Variants in LRP1B observed in about 807,000 individuals in gnomAD.
LRP1B encodes LDL receptor related protein 1B.
A neutral mutation model predicts 556.6 loss-of-function variants in LRP1B; 217 were observed. The observed-to-expected ratio is 0.39, with a 90% CI of 0.35 to 0.44. The LOEUF (loss-of-function observed/expected upper bound fraction) is 0.44. Ranked by LOEUF, LRP1B falls within the 20% of genes least tolerant of loss-of-function variation. The probability of loss-of-function intolerance (pLI) is 1.00; values close to 1 mark genes in which losing one functional copy is unlikely to be tolerated. For missense variants in LRP1B, 5,053 were observed against 5,620.8 expected, an observed-to-expected ratio of 0.90 and a Z score of 3.23; for synonymous variants, 2,047 against 1,865.8, an observed-to-expected ratio of 1.10 and a Z score of -2.50.
rs1680465741 is a variant in LRP1B, at chr2:140,231,462, A to C, written c.*1724T>G. The stretch of plus-strand genomic sequence containing the variant: ...TTTCATTTAAATAAGTCAGTCAACA[A>C]TTTTTTATAAAGTATTTAACACTTC... On this transcript the variant is annotated 3_prime_UTR_variant, in exon 91 of 91. Coordinates refer to ENST00000389484, the MANE Select transcript of LRP1B (RefSeq NM_018557.3). The C allele has an allele frequency of 6.6e-6, 1 of 151,790 alleles. No individual in the cohort carries two copies. The highest frequency in any genetic ancestry group is 2.4e-5 in the African/African-American group (1 of 41,340). The allele number at this position is 151,790 out of a possible 1,614,324, so 9.4% of individuals were successfully genotyped here. A position where few individuals can be genotyped will look rare whatever the true frequency, so the allele number is the denominator to read the frequency against.
Position 141,428,572 on chromosome 2 carries a change from C to T in LRP1B, c.343+51824G>A, listed in dbSNP as rs368331024. Among the ~76,000 whole-genome samples, 165 of 152,294 alleles carry T rather than the reference C, an allele frequency of 1.1e-3. 6 individuals carry two copies. The South Asian group carries it at 0.033, about 31-fold the overall frequency. ...AATAATGTCATCTGCTTCCATCTGT[C>T]CTAACACCTCTTCAATTGTCTAATA... On this transcript the variant is annotated intron_variant, in intron 3 of 90. Transcript: ENST00000389484.
intron 3 of LRP1B, among the ~76,000 whole-genome samples, chr2:141,432,806 G>T (rs539919444): frequency 1.3e-5 from 2 of 150,996 alleles, no homozygotes; most frequent in African/African-American, 4.8e-5. Context: ...TTTTTTCTTG[G>T]TCAAGTTAAA....
At chr2:141,390,192 A>G (rs1195294225) in intron 3 of LRP1B, among the ~76,000 whole-genome samples, 2 of 152,176 alleles carry the variant, frequency 1.3e-5, no homozygotes, top group Non-Finnish European at 2.9e-5. Flanking sequence ...ACAGGAAAAG[A>G]TGCTCAACAT....
chr2:140,915,857 T>A (rs1276051929), intron 21 of LRP1B, among the ~76,000 whole-genome samples: 1 of 151,526 alleles, frequency 6.6e-6, no homozygotes, highest in Non-Finnish European at 1.5e-5. Context: ...TGAAACCCCG[T>A]CTCTACTGAA....
In LRP1B at chr2:141,007,937, T is replaced by A. The variant is rs1028502280; in HGVS notation, c.2381-2480A>T. 2.0e-5 allele frequency among the ~76,000 whole-genome samples: 3 copies of A among 151,762 alleles called. 1 individual carries two copies. Among genetic ancestry groups the A allele is most frequent in the Non-Finnish European group, 1.5e-5 (1 of 67,712 alleles). On this transcript the variant is annotated intron_variant, in intron 14 of 90. Transcript: ENST00000389484. Reference sequence around the variant, plus strand: ...GAATTGGTTATTTGTTCTGTCATAATAGAAATCCAAAATCTAAATTAATTT... The same window carrying A: ...GAATTGGTTATTTGTTCTGTCATAAAAGAAATCCAAAATCTAAATTAATTT...
chr2:141,717,088 T>A (rs943480022), intron 2 of LRP1B, among the ~76,000 whole-genome samples: 1 of 152,118 alleles, frequency 6.6e-6, no homozygotes. Context: ...TGATTCCACT[T>A]TTATTTTTCT....
At chr2:142,023,543 C>T (rs1017860564) in intron 1 of LRP1B, among the ~76,000 whole-genome samples, 14 of 152,292 alleles carry the variant, frequency 9.2e-5, no homozygotes, top group Non-Finnish European at 1.3e-4. Flanking sequence ...GAGGTCAATA[C>T]TCACACAAGG....
rs1689439647 is a variant in LRP1B at position 140,506,874 on chromosome 2, T to C, written c.8443A>G (p.Lys2815Glu). The change falls in exon 53 of 91, where the codon AAA becomes GAA. Residue 2815 changes from lysine (K) to glutamate (E), a missense_variant. Around this residue, in one of 5 missense-constraint regions of LRP1B, gnomAD observed 3,619 missense variants for 3,931.9 expected, o/e 0.92. Coordinates refer to ENST00000389484, the MANE Select transcript of LRP1B (RefSeq NM_018557.3). ...ACAAATTGCTTGGGAATGCATACTT[T>C]ATTATGGCACATGAAAGCATTTTCA... is the stretch of plus-strand genomic sequence containing the variant. Reference protein sequence around the residue: ...CDENAFMCHNKVCIPKQFVCD... With the variant: ...CDENAFMCHNEVCIPKQFVCD... 1 of 1,614,050 alleles carries C rather than the reference T, an allele frequency of 6.2e-7. No homozygotes were observed. The highest frequency in any genetic ancestry group is 1.1e-5 in the South Asian group (1 of 91,080).
intron 3 of LRP1B, among the ~76,000 whole-genome samples, chr2:141,430,844 A>G (rs4480935): frequency 0.46 from 69,679 of 151,904 alleles, 16,142 homozygotes; most frequent in East Asian, 0.6. Flanking sequence ...AAAATAGAGA[A>G]ATTGGCTGGG....
intron 62 of LRP1B, among the ~76,000 whole-genome samples, chr2:140,454,129 A>G (rs1686992194): frequency 6.6e-6 from 1 of 151,992 alleles, no homozygotes; most frequent in Admixed American, 6.6e-5. Flanking sequence ...TTCTTCATGA[A>G]CTTTTTTTCT....
At chr2:141,868,420 T>G (rs919638842) in intron 1 of LRP1B, among the ~76,000 whole-genome samples, 7 of 152,306 alleles carry the variant, frequency 4.6e-5, no homozygotes, top group African/African-American at 1.7e-4. Context: ...TCTCCAGAAT[T>G]AGTATTCATA....
chr2:140,613,113 T>G (rs542415061), intron 41 of LRP1B, among the ~76,000 whole-genome samples: 115 of 151,218 alleles, frequency 7.6e-4, no homozygotes, highest in African/African-American at 2.7e-3. Flanking sequence ...TGTCAGGTAT[T>G]GGCTAGAAAA....
At chr2:140,741,526 G>A (rs928831366) in intron 35 of LRP1B, among the ~76,000 whole-genome samples, 1 of 151,856 alleles carries the variant, frequency 6.6e-6, no homozygotes, top group African/African-American at 2.4e-5. Flanking sequence ...GTGCAGGTTT[G>A]TTACATGGGT....
intron 84 of LRP1B, among the ~76,000 whole-genome samples, chr2:140,275,836 T>G (rs530710643): frequency 1.3e-5 from 2 of 152,074 alleles, no homozygotes; most frequent in South Asian, 4.1e-4. Context: ...AAGGAACACT[T>G]CACCCAAATA....
intron 27 of LRP1B, among the ~76,000 whole-genome samples, chr2:140,857,971 A>G (rs1424894670): frequency 1.3e-5 from 2 of 152,226 alleles, no homozygotes; most frequent in East Asian, 3.9e-4. Context: ...GGAAGTTTCT[A>G]TTTTTACAAT....
chr2:140,322,761 C>T (rs1680217069), intron 81 of LRP1B, among the ~76,000 whole-genome samples: 1 of 151,852 alleles, frequency 6.6e-6, no homozygotes, highest in African/African-American at 2.4e-5. Context: ...ATTATTTCAT[C>T]AGAATTAAAC....
chr2:141,023,253 T>C (rs917947545), intron 11 of LRP1B, among the ~76,000 whole-genome samples: 2 of 151,938 alleles, frequency 1.3e-5, no homozygotes, highest in Non-Finnish European at 2.9e-5. Flanking sequence ...ATATAAATAG[T>C]GCATTAAACA....
intron 3 of LRP1B, among the ~76,000 whole-genome samples, chr2:141,383,550 T>G (rs1689717445): frequency 6.6e-6 from 1 of 152,116 alleles, no homozygotes; most frequent in African/African-American, 2.4e-5. Context: ...AAGAAACCAT[T>G]GTAAGTAGAA....
At chr2:141,583,926 G>T (rs951833381) in intron 2 of LRP1B, among the ~76,000 whole-genome samples, 1 of 147,040 alleles carries the variant, frequency 6.8e-6, no homozygotes, top group Non-Finnish European at 1.5e-5. Context: ...TTTTAGTAGC[G>T]ATGGGGTTTC....
Sources: gnomAD v4.1 joint callset for allele counts (sites outside exome capture counted in the v4.1 genomes callset) on GRCh38, gnomAD v4.1.1 for gene constraint, gnomAD v4.1.1 regional missense constraint, MANE v1.5 for transcripts, NCBI Gene and HGNC (gene_info 2026-07-23, HGNC 2026-07-21) for gene names.